SIGLEC5: variants seen among roughly 807,000 people sequenced by gnomAD.
The protein encoded by SIGLEC5 is sialic acid binding Ig like lectin 5, also known as sialic acid-binding Ig-like lectin 5.
SIGLEC5 carries 34 observed loss-of-function variants against 45.9 expected under a neutral mutation model. The ratio of observed to expected loss-of-function variants is 0.74; its 90% confidence interval spans 0.56 to 0.99. The LOEUF (loss-of-function observed/expected upper bound fraction) is 0.99. SIGLEC5 is among the 50% of genes least tolerant of loss of function. The pLI is 0.00. For missense variants in SIGLEC5, 508 were observed against 629.6 expected (o/e 0.81, Z 2.07); for synonymous variants, 203 against 258.6 (o/e 0.79, Z 2.06).
rs35813605 is a variant in SIGLEC5, at chr19:51,612,875, T to TTC, written c.1465-455_1465-454dup. On this transcript the variant is annotated intron_variant, in intron 8 of 8. Transcript: ENST00000683636. ...AATTAAGGCTTTGGCTCATGGGTTC[T>TTC]TCTCTCTCTCTCTCTCTCTCTTGCC... Among the ~76,000 whole-genome samples, 285 of 151,104 alleles carry TTC rather than the reference T, an allele frequency of 1.9e-3. 1 individual carries two copies. The highest frequency in any genetic ancestry group is 0.016 in the East Asian group (80 of 5,148).
intron 8 of SIGLEC5, among the ~76,000 whole-genome samples, chr19:51,623,067 A>G (rs1309337065): frequency 6.6e-6 from 1 of 152,204 alleles, no homozygotes; most frequent in Non-Finnish European, 1.5e-5. Flanking sequence ...CAACGGATCA[A>G]TGCTTGAGGG....
chr19:51,629,140 G>T, intron 3 of SIGLEC5, 64 bp from the exon 4 acceptor site: 1 of 1,576,586 alleles, frequency 6.3e-7, no homozygotes, highest in South Asian at 1.1e-5. Flanking sequence ...GGGCCCAGGA[G>T]GTACCCAAAG....
At chr19:51,612,578 C>G (rs1982898822) in intron 8 of SIGLEC5, among the ~76,000 whole-genome samples, 156 bp from the exon 9 acceptor site, 1 of 152,194 alleles carries the variant, frequency 6.6e-6, no homozygotes, top group African/African-American at 2.4e-5. Flanking sequence ...GACACAATTT[C>G]CAATTCTCTA....
intron 8 of SIGLEC5, among the ~76,000 whole-genome samples, chr19:51,613,534 C>G (rs1257894735): frequency 6.6e-6 from 1 of 152,026 alleles, no homozygotes; most frequent in African/African-American, 2.4e-5. Flanking sequence ...GCAGACAGGG[C>G]TGGGTTCAAA....
At chr19:51,621,268 G>T (rs567795332) in intron 8 of SIGLEC5, 6 of 152,260 alleles carry the variant, frequency 3.9e-5, no homozygotes, top group African/African-American at 1.2e-4. Context: ...ATATAGGAAA[G>T]AAAAAGGAGA....
Position 51,629,092 on chromosome 19 carries a change from A to T in SIGLEC5, c.701-16T>A. The T allele has an allele frequency of 6.2e-7, 1 of 1,613,790 alleles. No homozygotes were observed. Among genetic ancestry groups the T allele is most frequent in the Non-Finnish European group, 8.5e-7 (1 of 1,179,796 alleles). On this transcript the variant is annotated splice_polypyrimidine_tract_variant and intron_variant, in intron 3 of 8. Coordinates refer to ENST00000683636, the MANE Select transcript of SIGLEC5 (RefSeq NM_003830.4). The stretch of plus-strand genomic sequence containing the variant: ...TGTGGAGCATCTGGGATAAAAAGAT[A>T]TAAACTTGGCTTCAGCAGTGAGGAG...
intron 8 of SIGLEC5, among the ~76,000 whole-genome samples, chr19:51,620,059 A>ATATT (rs1491208412): frequency 1.0e-4 from 1 of 9,826 alleles, no homozygotes; most frequent in African/African-American, 4.8e-4. Context: ...TTTTGTCAAA[A>ATATT]TATATATATA....
rs192306703 is a variant in SIGLEC5 at position 51,620,263 on chromosome 19, G to A, written c.1464+5769C>T. On this transcript the variant is annotated intron_variant, in intron 8 of 8. Coordinates refer to ENST00000683636, the MANE Select transcript of SIGLEC5 (RefSeq NM_003830.4). ...CTCTTCCAGACAGTAGAAAAAGAGAGACTAGTCCCCAATTTCTCAATCTTA... is the reference window on the plus strand; with the variant it reads ...CTCTTCCAGACAGTAGAAAAAGAGAAACTAGTCCCCAATTTCTCAATCTTA... 1.7e-4 allele frequency among the ~76,000 whole-genome samples: 26 copies of A among 152,184 alleles called. No individual in the cohort carries two copies. The East Asian group carries it at 4.8e-3, about 28-fold the overall frequency.
At chr19:51,628,680 G>A (rs1983598908) in intron 4 of SIGLEC5, among the ~76,000 whole-genome samples, 1 of 151,088 alleles carries the variant, frequency 6.6e-6, no homozygotes. Flanking sequence ...GTGTGTATGT[G>A]CATGTGCCTG....
chr19:51,621,529 G>C (rs2122625941), intron 8 of SIGLEC5: 1 of 152,348 alleles, frequency 6.6e-6, no homozygotes, highest in Non-Finnish European at 1.5e-5. Context: ...TTCTTGCTCA[G>C]TACCTGAAGC....
chr19:51,611,535 T>G lies in SIGLEC5; in HGVS notation c.*696A>C, dbSNP rs1304555783. Reference sequence around the variant, plus strand: ...TGTGTCAGGGGAGATGCTTGTGATATATTGTCTAAGGCCAGGGGGCCGTGA... The same window carrying G: ...TGTGTCAGGGGAGATGCTTGTGATAGATTGTCTAAGGCCAGGGGGCCGTGA... On this transcript the variant is annotated 3_prime_UTR_variant, in exon 9 of 9. Transcript: ENST00000683636. 6.6e-6 allele frequency among the ~76,000 whole-genome samples: 1 copy of G among 152,198 alleles called. No homozygotes were observed. Among genetic ancestry groups the G allele is most frequent in the South Asian group, 2.1e-4 (1 of 4,826 alleles).
chr19:51,615,966 G>A (rs1983038857), intron 8 of SIGLEC5, among the ~76,000 whole-genome samples: 3 of 152,200 alleles, frequency 2.0e-5, no homozygotes, highest in African/African-American at 7.2e-5. Flanking sequence ...AGTAGAGACG[G>A]AGTTTCTCCA....
At chr19:51,614,703 T>C (rs560918961) in intron 8 of SIGLEC5, among the ~76,000 whole-genome samples, 2 of 152,314 alleles carry the variant, frequency 1.3e-5, no homozygotes, top group Non-Finnish European at 2.9e-5. Flanking sequence ...GACAATGCAG[T>C]ATGTTCACCC....
rs1332034083 is a variant in SIGLEC5, at chr19:51,627,233, C to T, written c.1298G>A (p.Gly433Glu). The change falls in exon 7 of 9, where the codon GGG becomes GAG. Residue 433 changes from glycine (G) to glutamate (E), a missense_variant. Physicochemically the swap from Gly to Glu is moderately conservative, Grantham distance 98. Around this residue, in one of 2 missense-constraint regions of SIGLEC5, gnomAD observed 431 missense variants for 428.8 expected, o/e 1.01. Transcript: ENST00000683636. ...AAGGGCTGCAGGAACCACTCCTGTCCCGAGGTTCGATCTCCCTGCAGAAAA... is the reference window on the plus strand; with the variant it reads ...AAGGGCTGCAGGAACCACTCCTGTCTCGAGGTTCGATCTCCCTGCAGAAAA... ...VLLLQGRSNLGTGVVPAALGG... is the reference protein window; with the variant it reads ...VLLLQGRSNLETGVVPAALGG... 2.5e-6 allele frequency: 4 copies of T among 1,614,090 alleles called. No homozygotes were observed. Among genetic ancestry groups the T allele is most frequent in the African/African-American group, 2.7e-5 (2 of 75,018 alleles).
At chr19:51,614,205 T>C (rs1038242598) in intron 8 of SIGLEC5, among the ~76,000 whole-genome samples, 3 of 152,162 alleles carry the variant, frequency 2.0e-5, no homozygotes, top group Non-Finnish European at 2.9e-5. Context: ...AGGGCAGTGG[T>C]GTGATTTCGT....
intron 8 of SIGLEC5, among the ~76,000 whole-genome samples, chr19:51,623,000 T>C (rs1044403147): frequency 6.6e-6 from 1 of 152,350 alleles, no homozygotes; most frequent in East Asian, 1.9e-4. Flanking sequence ...CACAACATTT[T>C]CTTTATCCAT....
chr19:51,629,002 G>A, intron 4 of SIGLEC5, 36 bp downstream of exon 4: 4 of 1,601,870 alleles, frequency 2.5e-6, no homozygotes, highest in Non-Finnish European at 2.6e-6. Context: ...CAGACCCAGA[G>A]GCAGGTCCCA....
chr19:51,628,582 C>CGT (rs1381375531), intron 4 of SIGLEC5, among the ~76,000 whole-genome samples: 2 of 151,746 alleles, frequency 1.3e-5, no homozygotes, highest in Non-Finnish European at 2.9e-5. Context: ...CACCTGTGTG[C>CGT]GTGTGTGTGT....
intron 7 of SIGLEC5, 89 bp from the exon 8 acceptor site, chr19:51,626,202 A>C: frequency 4.8e-6 from 5 of 1,042,080 alleles, no homozygotes; most frequent in Non-Finnish European, 7.4e-6. Flanking sequence ...GGTGAAAATG[A>C]CAATGAAGCC....
Sources: gnomAD v4.1 joint callset for allele counts (sites outside exome capture counted in the v4.1 genomes callset) on GRCh38, gnomAD v4.1.1 for gene constraint, gnomAD v4.1.1 regional missense constraint, MANE v1.5 for transcripts, NCBI Gene and HGNC (gene_info 2026-07-23, HGNC 2026-07-21) for gene names.